Variants in PHF23 observed in about 807,000 individuals in gnomAD.
The protein encoded by PHF23 is PDH-containing protein JUNE-1.
PHF23 carries 3 observed loss-of-function variants against 36.0 expected under a neutral mutation model. The observed-to-expected ratio is 0.08, with a 90% CI of 0.04 to 0.22. The LOEUF is 0.22. PHF23 is among the 10% of genes least tolerant of loss of function. PHF23 has a pLI of 1.00. For missense variants in PHF23, 475 were observed against 513.6 expected (o/e 0.92, Z 0.73); for synonymous variants, 242 against 192.5 (o/e 1.26, Z -2.13).
At chr17:7,237,856 T>A in intron 1 of PHF23, 196 bp from the exon 2 acceptor site, 1 of 622,822 alleles carries the variant, frequency 1.6e-6, no homozygotes, top group Non-Finnish European at 2.8e-6. Context: ...CGCGGCGCCC[T>A]CTGAGGCCTC....
At chr17:7,240,658 G>A (rs183441341), upstream of PHF23, 3 of 563,474 alleles carry the variant, frequency 5.3e-6, no homozygotes, top group African/African-American at 5.7e-5. Context: ...GAAGAAAGGA[G>A]AAAGGAGAGT....
Position 7,236,456 on chromosome 17 carries a change from G to A in PHF23, c.471C>T (p.Thr157=), listed in dbSNP as rs1288146184. 3.7e-6 allele frequency: 6 copies of A among 1,613,708 alleles called. No individual in the cohort carries two copies. The highest frequency in any genetic ancestry group is 3.3e-5 in the Admixed American group (2 of 60,002). The change falls in exon 4 of 5, where the codon ACC becomes ACT. Residue 157 remains threonine (T), a synonymous_variant. Transcript: ENST00000320316. This position sits in a 1 kb window ranked among gnomAD's most constrained non-coding sequence, Gnocchi z 5.1. ...GGGTAAGAGCAGCAGGGGGCCGGGA[G>A]GTATGTGTCAGGGATGTGGGGGACA... The part of the protein sequence containing the change: ...SPLSPTSLTH[T]SRPPAALTPV...
Position 7,239,361 on chromosome 17 carries a change from C to A in PHF23, c.-82G>T. The A allele has an allele frequency of 1.4e-6, 1 of 719,118 alleles. No individual in the cohort carries two copies. Among genetic ancestry groups the A allele is most frequent in the South Asian group, 1.6e-5 (1 of 63,234 alleles). The allele number at this position is 719,118 out of a possible 1,614,324, so 44.5% of individuals were successfully genotyped here. ...TGCCGCCTCTAGTGCTCGATGCTCC[C>A]ACTGCTTCGCTCCACAGAAGTGTCC... is the stretch of plus-strand genomic sequence containing the variant. On this transcript the variant is annotated 5_prime_UTR_variant, in exon 1 of 5. Coordinates refer to ENST00000320316, the MANE Select transcript of PHF23 (RefSeq NM_024297.3).
intron 3 of PHF23, 42 bp downstream of exon 3, chr17:7,237,343 C>A (rs761661916): frequency 2.0e-6 from 3 of 1,503,858 alleles, no homozygotes; most frequent in East Asian, 2.3e-5. Context: ...ACTCTATAGT[C>A]CCACCACACC....
At chr17:7,238,285 G>GCCCCCCCCCCCCCC (rs72082691) in intron 1 of PHF23, 1 of 34,716 alleles carries the variant, frequency 2.9e-5, no homozygotes, top group Non-Finnish European at 5.2e-5. Context: ...GCCCCCACCT[G>GCCCCCCCCCCCCCC]CCCCCCCCCC....
intron 1 of PHF23, chr17:7,238,036 G>A (rs1047981124): frequency 5.9e-4 from 132 of 225,502 alleles, no homozygotes; most frequent in African/African-American, 3.0e-3. Context: ...CACGCGCCCG[G>A]AGCCCCGAGT....
chr17:7,238,637 A>AC (rs2071730695), intron 1 of PHF23: 1 of 248,822 alleles, frequency 4.0e-6, no homozygotes, highest in African/African-American at 1.4e-4. Flanking sequence ...CGCCGGTCTT[A>AC]ACCCCCCCCA....
upstream of PHF23, chr17:7,239,529 C>T (rs1256873235): frequency 2.4e-5 from 10 of 415,474 alleles, no homozygotes; most frequent in Non-Finnish European, 4.0e-5. Context: ...CCTCCTCTCT[C>T]CTCCCTCCCT....
chr17:7,240,723 A>T, upstream of PHF23: 1 of 680,038 alleles, frequency 1.5e-6, no homozygotes, highest in Non-Finnish European at 2.7e-6. Flanking sequence ...AGAGAAAGCC[A>T]CAAACATTAA....
In PHF23 at chr17:7,235,460, G is replaced by A; in HGVS notation, c.*166C>T. On this transcript the variant is annotated 3_prime_UTR_variant, in exon 5 of 5. Coordinates refer to ENST00000320316, the MANE Select transcript of PHF23 (RefSeq NM_024297.3). ...TTCAAGTCCACAGAGTGGGGAGGAA[G>A]GATAGGGTGGGAAAGTGAGACACTC... 3 of 699,262 alleles carry A rather than the reference G, an allele frequency of 4.3e-6. No individual in the cohort carries two copies. Among genetic ancestry groups the A allele is most frequent in the Admixed American group, 5.3e-5 (2 of 37,472 alleles). The allele number at this position is 699,262 out of a possible 1,614,324, so 43.3% of individuals were successfully genotyped here.
chr17:7,237,315 T>C, intron 3 of PHF23, 70 bp downstream of exon 3: 1 of 1,318,850 alleles, frequency 7.6e-7, no homozygotes. Context: ...GCAATACAGT[T>C]CTGTTTGAAC....
At position 7,237,591 on chromosome 17, in the gene PHF23, G is replaced by A. The variant is rs73235880; in HGVS notation, c.66+38C>T. ...AAAGGGGGGCGGGGGGCGTTGTCAG[G>A]CAGGGCTACTAGGCTGCAAAGGTAA... On this transcript the variant is annotated intron_variant, in intron 2 of 4. Transcript: ENST00000320316. 6.7e-4 allele frequency: 1,073 copies of A among 1,613,360 alleles called. 8 individuals are homozygous for A. The African/African-American group carries it at 0.013, about 19-fold the overall frequency.
At chr17:7,238,753 G>A in intron 1 of PHF23, 4 of 1,517,148 alleles carry the variant, frequency 2.6e-6, no homozygotes, top group Non-Finnish European at 3.5e-6. Flanking sequence ...ACAATACCCA[G>A]ACCCCCTCTT....
At chr17:7,238,644 CCCACCCCGCCCCA>C in intron 1 of PHF23, 1 of 656,888 alleles carries the variant, frequency 1.5e-6, no homozygotes, top group Non-Finnish European at 1.7e-6. Flanking sequence ...CTTAACCCCC[CCCACCCCGCCCCA>C]CCACCCCCTA....
chr17:7,239,868 CCCCACTTCCGGCCTG>C (rs1450777145), upstream of PHF23: 1 of 152,354 alleles, frequency 6.6e-6, no homozygotes, highest in Non-Finnish European at 1.5e-5. Flanking sequence ...AGGAGGACCG[CCCCACTTCCGGCCTG>C]CCGGAGAAAT....
At position 7,235,254 on chromosome 17, in the gene PHF23, G is replaced by T; in HGVS notation, c.*372C>A. On this transcript the variant is annotated 3_prime_UTR_variant, in exon 5 of 5. Transcript: ENST00000320316. The stretch of plus-strand genomic sequence containing the variant: ...GTGTAGAAGAAAATAAATGGGGAGT[G>T]AAATAGAAGAAAAGATGAGGGAGGG... 4.8e-5 allele frequency: 13 copies of T among 269,700 alleles called. No homozygotes were observed. Among genetic ancestry groups the T allele is most frequent in the South Asian group, 1.8e-4 (4 of 22,776 alleles). The allele number at this position is 269,700 out of a possible 1,614,324, so 16.7% of individuals were successfully genotyped here.
chr17:7,240,754 G>C (rs2071767324), upstream of PHF23: 1 of 783,470 alleles, frequency 1.3e-6, no homozygotes, highest in Non-Finnish European at 2.3e-6. Context: ...TCCTGAATAA[G>C]GGAGGTGGTG....
chr17:7,237,858 T>TC, intron 1 of PHF23, 198 bp from the exon 2 acceptor site: 1 of 620,208 alleles, frequency 1.6e-6, no homozygotes, highest in South Asian at 2.0e-5. Flanking sequence ...CGGCGCCCTC[T>TC]GAGGCCTCGC....
chr17:7,238,729 T>A, intron 1 of PHF23: 1 of 1,460,024 alleles, frequency 6.8e-7, no homozygotes, highest in Non-Finnish European at 9.0e-7. Flanking sequence ...CCGGTACAGG[T>A]CCGTCTGCCG....
Sources: allele counts gnomAD v4.1 joint callset, GRCh38; gene constraint gnomAD v4.1.1; non-coding constraint Gnocchi (gnomAD v3.1); transcripts MANE v1.5; gene names NCBI Gene and HGNC (gene_info 2026-07-23, HGNC 2026-07-21).